C9orf78: variants seen among roughly 807,000 people sequenced by gnomAD.
C9orf78 encodes the protein splicing factor C9orf78.
A neutral mutation model predicts 37.4 loss-of-function variants in C9orf78; 19 were observed. The ratio of observed to expected loss-of-function variants is 0.51; its 90% CI spans 0.35 to 0.74. The LOEUF (loss-of-function observed/expected upper bound fraction) is 0.74. Among genes scored for constraint, C9orf78 ranks in the 30% least tolerant of loss-of-function variants. The pLI, the probability that C9orf78 is intolerant of heterozygous loss-of-function variation, is 0.01. For synonymous variants in C9orf78, 130 were observed against 128.0 expected (o/e 1.02, Z -0.10); for missense variants, 291 against 370.8 (o/e 0.78, Z 1.77).
In C9orf78 at chr9:129,833,102, C is replaced by CTT. The variant is rs781471026; in HGVS notation, c.266+343_266+344dup. The stretch of plus-strand genomic sequence containing the variant: ...GTGTGTGTGTGTGTATACATACACA[C>CTT]TTTTTTTTTTTTTTGTAGAGACAGG... On this transcript the variant is annotated intron_variant, in intron 4 of 8. Coordinates refer to ENST00000372447, the MANE Select transcript of C9orf78 (RefSeq NM_016520.3). 2.0e-3 allele frequency among the ~76,000 whole-genome samples: 258 copies of CTT among 130,600 alleles called. 9 individuals are homozygous for CTT. The highest frequency in any genetic ancestry group is 2.6e-3 in the Non-Finnish European group (159 of 61,652). The allele number at this position is 130,600 out of a possible 152,430, so 85.7% of individuals were successfully genotyped here. A position where few individuals can be genotyped will look rare whatever the true frequency, so the allele number is the denominator to read the frequency against.
rs1564189747 is a variant in C9orf78, at chr9:129,834,692, C to A, written c.143+15G>T. 6.2e-7 allele frequency: 1 copy of A among 1,601,510 alleles called. No homozygotes were observed. The highest frequency in any genetic ancestry group is 8.5e-7 in the Non-Finnish European group (1 of 1,169,894). On this transcript the variant is annotated intron_variant, in intron 2 of 8. Coordinates refer to ENST00000372447, the MANE Select transcript of C9orf78 (RefSeq NM_016520.3). ...CGTCCCCGCCGCCTCCTCCTCCTCCCCGCGTGGTACCCACCTCACCCCGTT... is the reference window on the plus strand; with the variant it reads ...CGTCCCCGCCGCCTCCTCCTCCTCCACGCGTGGTACCCACCTCACCCCGTT...
At chr9:129,834,940 G>A (rs1363660505) in intron 1 of C9orf78, 174 bp from the exon 2 acceptor site, 3 of 666,060 alleles carry the variant, frequency 4.5e-6, no homozygotes, top group Admixed American at 5.3e-5. Flanking sequence ...CAGAGCCACT[G>A]CGCATCCCGG....
chr9:129,829,130 C>A (rs56195701), intron 8 of C9orf78, 75 bp downstream of exon 8: 48 of 1,027,162 alleles, frequency 4.7e-5, no homozygotes, highest in Non-Finnish European at 6.7e-5. Flanking sequence ...ACCCTGTCCC[C>A]CGCTGCATCC....
In C9orf78 at chr9:129,829,465, C is replaced by T. The variant is rs1428545917; in HGVS notation, c.619G>A (p.Asp207Asn). The T allele has an allele frequency of 2.5e-6, 4 of 1,613,892 alleles. No homozygotes were observed. Among genetic ancestry groups the T allele is most frequent in the Admixed American group, 3.3e-5 (2 of 59,992 alleles). The change falls in exon 7 of 9, where the codon GAC becomes AAC. Residue 207 changes from aspartate (D) to asparagine (N), a missense_variant. Asp to Asn is a conservative substitution (Grantham distance 23). Transcript: ENST00000372447. ...GTAGGCACGAAGGAGGTCTCGCTGT[C>T]TTTCTTCTTGTTCTGCTGCTCTGCC... is the stretch of plus-strand genomic sequence containing the variant. ...LLAEQQNKKK[D>N]SETSFVPTNM...
intron 6 of C9orf78, chr9:129,830,208 T>G (rs1294907822): frequency 6.6e-6 from 1 of 152,640 alleles, no homozygotes; most frequent in Non-Finnish European, 1.5e-5. Context: ...TCCTCCCACC[T>G]TGGCCTCCCA....
At chr9:129,829,360 C>G in intron 7 of C9orf78, 45 bp downstream of exon 7, 6 of 1,604,168 alleles carry the variant, frequency 3.7e-6, no homozygotes, top group Non-Finnish European at 4.3e-6. Context: ...GGGATCTCAG[C>G]CCAAATAGGG....
chr9:129,834,817 G>T, intron 1 of C9orf78, 51 bp from the exon 2 acceptor site: 1 of 1,432,514 alleles, frequency 7.0e-7, no homozygotes, highest in Non-Finnish European at 9.8e-7. Flanking sequence ...ATTCCCCGCG[G>T]AATCCAAAGC....
intron 8 of C9orf78, 96 bp downstream of exon 8, chr9:129,829,109 T>C: frequency 1.2e-6 from 1 of 844,136 alleles, no homozygotes; most frequent in South Asian, 1.4e-5. Context: ...CCGGCTCCAA[T>C]GCCAGGCTCC....
rs1197187679 is a variant in C9orf78, at chr9:129,833,726, A to T, written c.144-17T>A. 1.9e-6 allele frequency: 3 copies of T among 1,598,700 alleles called. No homozygotes were observed. In the East Asian group the frequency reaches 6.7e-5, roughly 36 times the overall value. On this transcript the variant is annotated splice_polypyrimidine_tract_variant and intron_variant, in intron 2 of 8. Transcript: ENST00000372447. ...GCCACAGCACTGAGCAAAACCAAAAAAAAAAGAGAGGGGGAGAGAGAGAAA... is the reference window on the plus strand; with the variant it reads ...GCCACAGCACTGAGCAAAACCAAAATAAAAAGAGAGGGGGAGAGAGAGAAA...
In C9orf78 at chr9:129,833,721, C is replaced by CAA. The variant is rs747060200; in HGVS notation, c.144-14_144-13dup. On this transcript the variant is annotated splice_polypyrimidine_tract_variant and intron_variant, in intron 2 of 8. Coordinates refer to ENST00000372447, the MANE Select transcript of C9orf78 (RefSeq NM_016520.3). ...GCAAGGCCACAGCACTGAGCAAAAC[C>CAA]AAAAAAAAAAGAGAGGGGGAGAGAG... is the stretch of plus-strand genomic sequence containing the variant. 2.4e-5 allele frequency: 32 copies of CAA among 1,323,908 alleles called. No individual in the cohort carries two copies. The highest frequency in any genetic ancestry group is 3.0e-5 in the Non-Finnish European group (29 of 971,632). The allele number at this position is 1,323,908 out of a possible 1,614,324, so 82.0% of individuals were successfully genotyped here.
chr9:129,833,180 T>C (rs898575376), intron 4 of C9orf78, among the ~76,000 whole-genome samples: 3 of 149,932 alleles, frequency 2.0e-5, no homozygotes, highest in Non-Finnish European at 4.4e-5. Context: ...CAAGCTAACC[T>C]CAGCCTCCCA....
Position 129,829,549 on chromosome 9 carries a change from GAGAA to G in C9orf78, c.543-12_543-9del, listed in dbSNP as rs560995814. The G allele has an allele frequency of 4.5e-5, 72 of 1,611,898 alleles. No individual in the cohort carries two copies. In the African/African-American group the frequency reaches 7.1e-4, roughly 16 times the overall value. On this transcript the variant is annotated splice_polypyrimidine_tract_variant and intron_variant, in intron 6 of 8. Coordinates refer to ENST00000372447, the MANE Select transcript of C9orf78 (RefSeq NM_016520.3). The stretch of plus-strand genomic sequence containing the variant: ...ATATTTTTTATTTTAGCACTATGGA[GAGAA>G]AGAAACCACACCACTTAGAAGATGA...
At chr9:129,831,196 A>C (rs2031487717) in intron 5 of C9orf78, 128 bp from the exon 6 acceptor site, 1 of 672,868 alleles carries the variant, frequency 1.5e-6, no homozygotes, top group African/African-American at 1.8e-5. Flanking sequence ...AAAAAAAATA[A>C]CTTGAGTTTT....
Position 129,835,266 on chromosome 9 carries a change from G to C in C9orf78, c.-45C>G, listed in dbSNP as rs557823140. ...TACAGCCGCCGCGCCTCTGCGCAGCGGCCCAGGCTGCTTCCGGCGCGCGGC... is the reference window on the plus strand; with the variant it reads ...TACAGCCGCCGCGCCTCTGCGCAGCCGCCCAGGCTGCTTCCGGCGCGCGGC... On this transcript the variant is annotated 5_prime_UTR_variant, in exon 1 of 9. Transcript: ENST00000372447. The C allele has an allele frequency of 4.8e-5, 68 of 1,421,882 alleles. No homozygotes were observed. The Admixed American group carries it at 1.3e-3, about 26-fold the overall frequency. The allele number at this position is 1,421,882 out of a possible 1,614,324, so 88.1% of individuals were successfully genotyped here. A position where few individuals can be genotyped will look rare whatever the true frequency, so the allele number is the denominator to read the frequency against.
At chr9:129,829,374 T>A (rs766977709) in intron 7 of C9orf78, 31 bp downstream of exon 7, 1 of 1,606,806 alleles carries the variant, frequency 6.2e-7, no homozygotes, top group East Asian at 2.2e-5. Flanking sequence ...AATAGGGGAA[T>A]GGGGGCAAGA....
chr9:129,834,796 TAA>T, intron 1 of C9orf78, 30 bp from the exon 2 acceptor site: 1 of 1,530,822 alleles, frequency 6.5e-7, no homozygotes, highest in Non-Finnish European at 9.0e-7. Context: ...CAGCAATGCA[TAA>T]GCTGAGTGAT....
Position 129,827,978 on chromosome 9 carries a change from A to G in C9orf78, c.*183T>C. 2 of 395,134 alleles carry G rather than the reference A, an allele frequency of 5.1e-6. No homozygotes were observed. Among genetic ancestry groups the G allele is most frequent in the Admixed American group, 7.1e-5 (2 of 28,318 alleles). 24.5% of individuals were successfully genotyped at this position (395,134 alleles called of 1,614,324 possible). On this transcript the variant is annotated 3_prime_UTR_variant, in exon 9 of 9. Coordinates refer to ENST00000372447, the MANE Select transcript of C9orf78 (RefSeq NM_016520.3). ...GCTAACTTTTCTGTATTTTCAGTAG[A>G]GACTGGGTTTCTCCATGTTGGTCAG...
At chr9:129,833,064 C>A (rs1462188070) in intron 4 of C9orf78, among the ~76,000 whole-genome samples, 1 of 99,498 alleles carries the variant, frequency 1.0e-5, no homozygotes, top group Non-Finnish European at 2.3e-5. Context: ...TATGTGTGTA[C>A]ATATGTGTGT....
rs1663961578 is a variant in C9orf78, at chr9:129,827,997, T to A, written c.*164A>T. 9.0e-6 allele frequency: 4 copies of A among 445,072 alleles called. No homozygotes were observed. The highest frequency in any genetic ancestry group is 7.7e-5 in the South Asian group (4 of 51,994). 27.6% of individuals were successfully genotyped at this position (445,072 alleles called of 1,614,324 possible). ...CAGTAGAGACTGGGTTTCTCCATGT[T>A]GGTCAGGCTGGTCTCAAACTCCCGA... On this transcript the variant is annotated 3_prime_UTR_variant, in exon 9 of 9. Transcript: ENST00000372447.
Sources: allele counts gnomAD v4.1 joint callset (sites outside exome capture counted in the v4.1 genomes callset), GRCh38; gene constraint gnomAD v4.1.1; transcripts MANE v1.5; gene names NCBI Gene and HGNC (gene_info 2026-07-23, HGNC 2026-07-21).